The following IHO1 variants were observed in gnomAD, a reference collection of about 807,000 sequenced individuals.
The protein encoded by IHO1 is interactor of HORMAD1 protein 1.
Under a neutral mutation model 31.0 loss-of-function variants are expected in IHO1, and 13 were observed. The observed-to-expected ratio is 0.42, with a 90% CI of 0.27 to 0.67. IHO1 has a LOEUF of 0.67. Ranked by LOEUF, IHO1 falls within the 30% of genes least tolerant of loss-of-function variation. The pLI is 0.24. For missense variants in IHO1, 599 were observed against 687.5 expected (o/e 0.87, Z 1.44); for synonymous variants, 221 against 248.4 (o/e 0.89, Z 1.04).
At chr3:49,253,474 A>G (rs1350094985) in intron 6 of IHO1, among the ~76,000 whole-genome samples, 1 of 152,072 alleles carries the variant, frequency 6.6e-6, no homozygotes, top group African/African-American at 2.4e-5. Flanking sequence ...CAATCTTGCC[A>G]TGGCTCATTC....
chr3:49,202,570 G>A (rs2046083232), intron 1 of IHO1, among the ~76,000 whole-genome samples: 1 of 150,160 alleles, frequency 6.7e-6, no homozygotes, highest in African/African-American at 2.5e-5. Flanking sequence ...TAGAGATGGG[G>A]TTTCACCGTG....
chr3:49,236,517 A>G (rs1231654967), intron 2 of IHO1, 31 bp from the exon 3 acceptor site: 3 of 1,509,820 alleles, frequency 2.0e-6, no homozygotes, highest in African/African-American at 1.4e-5. Context: ...ATATTTGTCT[A>G]TTTGATACAC....
chr3:49,199,006 T>G (rs6808036), upstream of IHO1: 111,803 of 152,726 alleles, frequency 0.73, 41,456 homozygotes, highest in East Asian at 0.99. Flanking sequence ...TGGCCACCAG[T>G]TCCACCCCAC....
At chr3:49,212,706 C>G (rs1179146823) in intron 2 of IHO1, among the ~76,000 whole-genome samples, 2 of 152,124 alleles carry the variant, frequency 1.3e-5, no homozygotes, top group African/African-American at 4.8e-5. Flanking sequence ...TTTGGAGTTT[C>G]TTCCTTCTGG....
At chr3:49,235,537 T>C (rs2046549887) in intron 2 of IHO1, among the ~76,000 whole-genome samples, 1 of 152,010 alleles carries the variant, frequency 6.6e-6, no homozygotes, top group African/African-American at 2.4e-5. Flanking sequence ...CGATTATATA[T>C]AAATCTAACT....
chr3:49,200,683 C>G, intron 1 of IHO1: 1 of 494,712 alleles, frequency 2.0e-6, no homozygotes, highest in Non-Finnish European at 2.6e-6. Flanking sequence ...TCAACTTTTT[C>G]TCCCCTTTTA....
chr3:49,255,634 C>T (rs2046813771), intron 7 of IHO1, 141 bp downstream of exon 7: 1 of 527,958 alleles, frequency 1.9e-6, no homozygotes, highest in Non-Finnish European at 3.3e-6. Flanking sequence ...ACTGCAACCT[C>T]CGCCTCCCAT....
chr3:49,235,233 T>C (rs1012284998), intron 2 of IHO1, among the ~76,000 whole-genome samples: 1 of 146,474 alleles, frequency 6.8e-6, no homozygotes, highest in African/African-American at 2.5e-5. Context: ...ATATAAATCT[T>C]TTTTTTTTTT....
intron 6 of IHO1, among the ~76,000 whole-genome samples, chr3:49,251,287 ATT>A (rs1190363805): frequency 7.3e-5 from 9 of 122,748 alleles, no homozygotes; most frequent in African/African-American, 9.0e-5. Flanking sequence ...TGCCTGGCTA[ATT>A]TTTTTTTTTT....
At chr3:49,219,446 T>C (rs2046326016) in intron 2 of IHO1, among the ~76,000 whole-genome samples, 1 of 152,254 alleles carries the variant, frequency 6.6e-6, no homozygotes, top group South Asian at 2.1e-4. Flanking sequence ...GGAATACTTT[T>C]AGTTAATATA....
intron 2 of IHO1, among the ~76,000 whole-genome samples, chr3:49,234,162 G>GTTTTTTTT (rs56802492): frequency 2.7e-4 from 25 of 91,914 alleles, no homozygotes; most frequent in East Asian, 7.6e-4. Context: ...TTTTGTTGTT[G>GTTTTTTTT]TTTTTTTTTT....
chr3:49,241,436 A>G (rs769519292), intron 4 of IHO1, 47 bp downstream of exon 4: 5 of 1,514,956 alleles, frequency 3.3e-6, no homozygotes, highest in African/African-American at 1.4e-5. Context: ...TTTTCTGAGT[A>G]AAACAAGACA....
upstream of IHO1, among the ~76,000 whole-genome samples, chr3:49,193,635 G>A (rs953771142): frequency 1.5e-4 from 17 of 116,524 alleles, no homozygotes; most frequent in African/African-American, 5.2e-4. Context: ...CTCCAGCCTG[G>A]CGACAAAGCG....
intron 1 of IHO1, among the ~76,000 whole-genome samples, chr3:49,209,729 T>G (rs1313652721): frequency 6.6e-6 from 1 of 152,062 alleles, no homozygotes; most frequent in Admixed American, 6.6e-5. Flanking sequence ...GTCTTTTTTT[T>G]TTTGAGAAGG....
chr3:49,223,312 C>T (rs556203807), intron 2 of IHO1, among the ~76,000 whole-genome samples: 1 of 152,266 alleles, frequency 6.6e-6, no homozygotes, highest in East Asian at 1.9e-4. Context: ...TCTCGACCTT[C>T]CCTGAGGATT....
At chr3:49,220,574 G>C (rs779753141) in intron 2 of IHO1, among the ~76,000 whole-genome samples, 1 of 152,100 alleles carries the variant, frequency 6.6e-6, no homozygotes, top group African/African-American at 2.4e-5. Context: ...GCTCTTAAAG[G>C]TGGTGCAGAC....
At chr3:49,254,306 G>A (rs2046797840) in intron 6 of IHO1, among the ~76,000 whole-genome samples, 1 of 152,198 alleles carries the variant, frequency 6.6e-6, no homozygotes, top group African/African-American at 2.4e-5. Flanking sequence ...GTGTGTGTGT[G>A]TGCATGCAGA....
chr3:49,202,851 ATTTTTTTTT>A (rs71077774), intron 1 of IHO1, among the ~76,000 whole-genome samples: 2 of 90,148 alleles, frequency 2.2e-5, no homozygotes, highest in East Asian at 3.0e-4. Context: ...AATTTTTTGT[ATTTTTTTTT>A]TTTTTTTTTT....
rs937277966 is a variant in IHO1, at chr3:49,239,426, C to T, written c.232-1800C>T. ...TCTCCTGAGTAGATGGGACTATGGG[C>T]GTGCACCACCACGCCCAGCTAATTT... On this transcript the variant is annotated intron_variant, in intron 3 of 7. Coordinates refer to ENST00000452691, the MANE Select transcript of IHO1 (RefSeq NM_001135197.2). Among the ~76,000 whole-genome samples the T allele has an allele frequency of 5.3e-5, 8 of 151,552 alleles. No individual in the cohort carries two copies. The East Asian group carries it at 9.7e-4, about 18-fold the overall frequency.
Sources: gnomAD v4.1 joint callset for allele counts (sites outside exome capture counted in the v4.1 genomes callset) on GRCh38, gnomAD v4.1.1 for gene constraint, MANE v1.5 for transcripts, NCBI Gene and HGNC (gene_info 2026-07-23, HGNC 2026-07-21) for gene names.